Variants in TRIM46 observed in about 807,000 individuals in gnomAD.
TRIM46 encodes tripartite motif-containing protein 46.
A neutral mutation model predicts 69.7 loss-of-function variants in TRIM46; 17 were observed. That is an observed-to-expected ratio of 0.24 (90% CI 0.17 to 0.37). TRIM46 has a LOEUF of 0.37. Among genes scored for constraint, TRIM46 ranks in the 10% least tolerant of loss-of-function variants. The pLI, the probability that TRIM46 is intolerant of heterozygous loss-of-function variation, is 1.00. For synonymous variants in TRIM46, 391 were observed against 429.0 expected (o/e 0.91, Z 1.09); for missense variants, 675 against 1,025.1 (o/e 0.66, Z 4.66).
chr1:155,175,787 C>A lies in TRIM46; in HGVS notation c.326-101C>A. The A allele has an allele frequency of 6.4e-7, 1 of 1,571,992 alleles. No individual in the cohort carries two copies. Among genetic ancestry groups the A allele is most frequent in the Non-Finnish European group, 8.7e-7 (1 of 1,152,668 alleles). The stretch of plus-strand genomic sequence containing the variant: ...CTGCTTACGCAGGCTCTAATGAGAG[C>A]TGAGCTCTGGCACAATGAAAATCTA... On this transcript the variant is annotated intron_variant, in intron 2 of 9. Coordinates refer to ENST00000334634, the MANE Select transcript of TRIM46 (RefSeq NM_025058.5). The surrounding 1 kb of genome is among the most constrained non-coding windows in gnomAD (Gnocchi z 4.2).
Position 155,174,589 on chromosome 1 carries a change from C to A in TRIM46, c.63+560C>A, listed in dbSNP as rs758761239. ...CCTCCCCCCCTCCTTGTTCCTCCCT[C>A]CTTTGTGTCAGCTGCGCCCCTGACC... On this transcript the variant is annotated intron_variant, in intron 1 of 9. Coordinates refer to ENST00000334634, the MANE Select transcript of TRIM46 (RefSeq NM_025058.5). 2.6e-6 allele frequency: 4 copies of A among 1,526,680 alleles called. No homozygotes were observed. In the Admixed American group the frequency reaches 8.0e-5, roughly 30 times the overall value. The allele number at this position is 1,526,680 out of a possible 1,614,324, so 94.6% of individuals were successfully genotyped here. A position where few individuals can be genotyped will look rare whatever the true frequency, so the allele number is the denominator to read the frequency against.
Position 155,183,784 on chromosome 1 carries a change from C to T in TRIM46, c.1887-13C>T. On this transcript the variant is annotated splice_polypyrimidine_tract_variant and intron_variant, in intron 9 of 9. Coordinates refer to ENST00000334634, the MANE Select transcript of TRIM46 (RefSeq NM_025058.5). ...TCCCTCAACAATCTCGTCCCCAACACCCGCTTCTGCAGGTACGACCCGGAC... is the reference window on the plus strand; with the variant it reads ...TCCCTCAACAATCTCGTCCCCAACATCCGCTTCTGCAGGTACGACCCGGAC... The T allele has an allele frequency of 6.3e-7, 1 of 1,598,860 alleles. No homozygotes were observed. Among genetic ancestry groups the T allele is most frequent in the Non-Finnish European group, 8.5e-7 (1 of 1,179,568 alleles).
rs769917036 is a variant in TRIM46 at position 155,178,008 on chromosome 1, G to A, written c.916G>A (p.Gly306Ser). 1 of 1,612,846 alleles carries A rather than the reference G, an allele frequency of 6.2e-7. No individual in the cohort carries two copies. ...GGTGTTGCTCCCTGGGCAGGTGAGT[G>A]GTCAGCAGGCCAAGGAGGAGGTGTC... ...EEAVRHTEVS[G>S]QQAKEEVSQL... The change falls in exon 6 of 10, where the codon GGT (glycine) becomes AGT (serine). Residue 306 changes from glycine (G) to serine (S), a missense_variant. Gly to Ser is a moderately conservative substitution (Grantham distance 56). Around this residue, in one of 5 missense-constraint regions of TRIM46, gnomAD observed 361 missense variants for 498.3 expected, o/e 0.72. Coordinates refer to ENST00000334634, the MANE Select transcript of TRIM46 (RefSeq NM_025058.5).
chr1:155,183,052 A>G (rs1379078657), intron 9 of TRIM46, among the ~76,000 whole-genome samples: 1 of 151,460 alleles, frequency 6.6e-6, no homozygotes, highest in Non-Finnish European at 1.5e-5. Context: ...CTGGGACTAC[A>G]GGCACCCGCC....
intron 1 of TRIM46, chr1:155,174,524 C>A (rs1665452249): frequency 6.9e-7 from 1 of 1,451,046 alleles, no homozygotes; most frequent in African/African-American, 1.4e-5. Flanking sequence ...GTGCCTGGCT[C>A]TCCCAGGGGC....
At position 155,179,818 on chromosome 1, in the gene TRIM46, C is replaced by T. The variant is rs1665999786; in HGVS notation, c.1472C>T (p.Ala491Val). The change falls in exon 8 of 10, where the codon GCC becomes GTC. Residue 491 changes from alanine to valine, a missense_variant. By Grantham distance (64) the Ala-to-Val change is moderately conservative. Around this residue, in one of 5 missense-constraint regions of TRIM46, gnomAD observed 361 missense variants for 498.3 expected, o/e 0.72. Coordinates refer to ENST00000334634, the MANE Select transcript of TRIM46 (RefSeq NM_025058.5). The stretch of plus-strand genomic sequence containing the variant: ...CGGGAGGAGGTGAGGGGCACCAGTG[C>T]CCTGCTTGAGAACCCCGACACGGGC... ...QRREEVRGTSALLENPDTGSV... is the reference protein window; with the variant it reads ...QRREEVRGTSVLLENPDTGSV... The T allele has an allele frequency of 1.2e-6, 2 of 1,613,042 alleles. No individual in the cohort carries two copies. Among genetic ancestry groups the T allele is most frequent in the Admixed American group, 1.7e-5 (1 of 59,974 alleles).
chr1:155,179,554 C>T (rs1665977285), intron 7 of TRIM46, 78 bp from the exon 8 acceptor site: 1 of 1,416,332 alleles, frequency 7.1e-7, no homozygotes, highest in African/African-American at 1.4e-5. Context: ...CGCTGCTTTC[C>T]CTTTTCCTGC....
At chr1:155,180,025 GC>G in intron 8 of TRIM46, 91 bp downstream of exon 8, 1 of 1,378,250 alleles carries the variant, frequency 7.3e-7, no homozygotes, top group Middle Eastern at 2.7e-4. Context: ...CGCTAGAGAG[GC>G]CATATAACAT....
Position 155,179,613 on chromosome 1 carries a change from C to A in TRIM46, c.1286-19C>A, listed in dbSNP as rs759060397. 2 of 1,571,974 alleles carry A rather than the reference C, an allele frequency of 1.3e-6. No homozygotes were observed. Among genetic ancestry groups the A allele is most frequent in the African/African-American group, 1.3e-5 (1 of 74,388 alleles). ...CCAGTGGCCAGGCCCTGACTGACAC[C>A]CGCTGTCTCTTCCAACAGTGCCTGA... On this transcript the variant is annotated intron_variant, in intron 7 of 9. Coordinates refer to ENST00000334634, the MANE Select transcript of TRIM46 (RefSeq NM_025058.5).
chr1:155,178,277 TA>T (rs1261223660), intron 6 of TRIM46, 22 bp downstream of exon 6: 3 of 1,579,614 alleles, frequency 1.9e-6, no homozygotes, highest in South Asian at 2.3e-5. Flanking sequence ...CATGGGCTCC[TA>T]GGGGGGCAGG....
Position 155,178,152 on chromosome 1 carries a change from C to G in TRIM46, c.1060C>G (p.Arg354Gly). The change falls in exon 6 of 10, where the codon CGG becomes GGG. Residue 354 changes from arginine (R) to glycine (G), a missense_variant. Around this residue, in one of 5 missense-constraint regions of TRIM46, gnomAD observed 361 missense variants for 498.3 expected, o/e 0.72. Transcript: ENST00000334634. ...ARLSAQIQEH[R>G]SLLDGSGLVG... ...TCTCAGCGCCCAGATCCAGGAGCAC[C>G]GGAGCCTGCTGGATGGCTCAGGTCT... 1 of 1,614,084 alleles carries G rather than the reference C, an allele frequency of 6.2e-7. No homozygotes were observed. Among genetic ancestry groups the G allele is most frequent in the Non-Finnish European group, 8.5e-7 (1 of 1,179,994 alleles).
At chr1:155,179,535 C>A (rs1665975708) in intron 7 of TRIM46, 97 bp from the exon 8 acceptor site, 1 of 1,165,390 alleles carries the variant, frequency 8.6e-7, no homozygotes, top group East Asian at 2.4e-5. Flanking sequence ...CACTCACCCC[C>A]CCGGCTCCCG....
rs1665946218 is a variant in TRIM46 at position 155,179,183 on chromosome 1, C to T, written c.1286-449C>T. Among the ~76,000 whole-genome samples the T allele has an allele frequency of 2.0e-5, 3 of 152,220 alleles. No individual in the cohort carries two copies. In the South Asian group the frequency reaches 6.2e-4, roughly 31 times the overall value. Reference sequence around the variant, plus strand: ...TGCCTCCTAAATCTCTCTTCTGAGCCTGGTCCCCTTCCTTCCTGCTCAGCG... The same window carrying T: ...TGCCTCCTAAATCTCTCTTCTGAGCTTGGTCCCCTTCCTTCCTGCTCAGCG... On this transcript the variant is annotated intron_variant, in intron 7 of 9. Coordinates refer to ENST00000334634, the MANE Select transcript of TRIM46 (RefSeq NM_025058.5).
chr1:155,178,022 G>C lies in TRIM46; in HGVS notation c.930G>C (p.Lys310Asn). The change falls in exon 6 of 10, where the codon AAG becomes AAC. Residue 310 changes from lysine to asparagine, a missense_variant. Lys to Asn is a moderately conservative substitution (Grantham distance 94). This residue lies in a region of TRIM46 where 361 missense variants were observed against 498.3 expected (regional missense o/e 0.72). Transcript: ENST00000334634. Reference sequence around the variant, plus strand: ...GGCAGGTGAGTGGTCAGCAGGCCAAGGAGGAGGTGTCGCAGCTGGTGCGGG... The same window carrying C: ...GGCAGGTGAGTGGTCAGCAGGCCAACGAGGAGGTGTCGCAGCTGGTGCGGG... ...RHTEVSGQQA[K>N]EEVSQLVRGL... is the part of the protein sequence containing the mutation. 1.9e-6 allele frequency: 3 copies of C among 1,613,354 alleles called. No individual in the cohort carries two copies. The highest frequency in any genetic ancestry group is 2.5e-6 in the Non-Finnish European group (3 of 1,179,910).
In TRIM46 at chr1:155,175,390, G is replaced by T; in HGVS notation, c.68G>T (p.Ser23Ile). The T allele has an allele frequency of 6.2e-7, 1 of 1,614,022 alleles. No individual in the cohort carries two copies. Among genetic ancestry groups the T allele is most frequent in the Non-Finnish European group, 8.5e-7 (1 of 1,179,946 alleles). ...IMDALVRIST[S>I]MKNMEKELLC... is the part of the protein sequence containing the mutation. ...AGCCTCCTGGTCCCTCCACAGACCA[G>T]CATGAAGAACATGGAGAAGGAACTG... The change falls in exon 2 of 10, where the codon AGC becomes ATC. Residue 23 changes from serine (S) to isoleucine (I), a missense_variant. Physicochemically the swap from Ser to Ile is moderately radical, Grantham distance 142. Coordinates refer to ENST00000334634, the MANE Select transcript of TRIM46 (RefSeq NM_025058.5). This position sits in a 1 kb window ranked among gnomAD's most constrained non-coding sequence, Gnocchi z 4.2.
Position 155,175,221 on chromosome 1 carries a change from T to C in TRIM46, c.64-165T>C. ...GGGAAAGAGAAGCAAGGGACAGAGG[T>C]CTGGGAAGGTCTGTGAACCAGCCCA... On this transcript the variant is annotated intron_variant, in intron 1 of 9. Transcript: ENST00000334634. The surrounding 1 kb of genome is among the most constrained non-coding windows in gnomAD (Gnocchi z 4.2). 1 of 1,495,182 alleles carries C rather than the reference T, an allele frequency of 6.7e-7. No individual in the cohort carries two copies. The highest frequency in any genetic ancestry group is 8.8e-7 in the Non-Finnish European group (1 of 1,133,462). 92.6% of individuals were successfully genotyped at this position (1,495,182 alleles called of 1,614,324 possible).
At chr1:155,179,052 T>A (rs1162541414) in intron 7 of TRIM46, among the ~76,000 whole-genome samples, 1 of 152,262 alleles carries the variant, frequency 6.6e-6, no homozygotes, top group Non-Finnish European at 1.5e-5. Context: ...TCTGACCTTT[T>A]GTCCTTGTGA....
intron 5 of TRIM46, 91 bp downstream of exon 5, chr1:155,177,381 G>C: frequency 8.6e-7 from 1 of 1,156,922 alleles, no homozygotes; most frequent in Non-Finnish European, 1.3e-6. Flanking sequence ...TCACCTTGTT[G>C]CTAGCTCAGG....
intron 9 of TRIM46, among the ~76,000 whole-genome samples, chr1:155,183,252 T>G (rs574853400): frequency 8.5e-4 from 129 of 152,138 alleles, no homozygotes; most frequent in African/African-American, 2.6e-3. Flanking sequence ...CTTTGCATCC[T>G]AAGCCTTCTC....
Sources: allele counts gnomAD v4.1 joint callset (sites outside exome capture counted in the v4.1 genomes callset), GRCh38; gene constraint gnomAD v4.1.1; regional missense constraint gnomAD v4.1.1; non-coding constraint Gnocchi (gnomAD v3.1); transcripts MANE v1.5; gene names NCBI Gene and HGNC (gene_info 2026-07-23, HGNC 2026-07-21).